Variants in ELL observed in about 807,000 individuals in gnomAD.
The protein encoded by ELL is elongation factor for RNA polymerase II.
Under a neutral mutation model 64.0 loss-of-function variants are expected in ELL, and 18 were observed. That is an observed-to-expected ratio of 0.28 (90% CI 0.19 to 0.42). The LOEUF is 0.42. Ranked by LOEUF, ELL falls within the 10% of genes least tolerant of loss-of-function variation. The pLI, the probability that ELL is intolerant of heterozygous loss-of-function variation, is 1.00. For synonymous variants in ELL, 399 were observed against 376.2 expected (o/e 1.06, Z -0.70); for missense variants, 797 against 870.4 (o/e 0.92, Z 1.06).
chr19:18,444,947 C>A (rs79012978), intron 11 of ELL, 79 bp from the exon 12 acceptor site: 22 of 1,477,294 alleles, frequency 1.5e-5, no homozygotes, highest in Non-Finnish European at 1.8e-5. Flanking sequence ...AGTGTCCCCC[C>A]CAAACCAAAA....
chr19:18,505,955 TAC>T (rs1167977264), intron 1 of ELL, among the ~76,000 whole-genome samples: 1 of 152,166 alleles, frequency 6.6e-6, no homozygotes, highest in African/African-American at 2.4e-5. Flanking sequence ...TGCTCTGTAC[TAC>T]ACAGACCACC....
At chr19:18,455,008 G>A (rs1219086672) in intron 6 of ELL, among the ~76,000 whole-genome samples, 11 of 150,242 alleles carry the variant, frequency 7.3e-5, no homozygotes, top group African/African-American at 2.5e-4. Context: ...GGGCATGGTG[G>A]TGCATGCCTG....
chr19:18,514,061 C>T (rs1054139441), intron 1 of ELL, among the ~76,000 whole-genome samples: 1 of 152,208 alleles, frequency 6.6e-6, no homozygotes, highest in African/African-American at 2.4e-5. Context: ...CGTGTCTCCA[C>T]TTGGTCAGGA....
intron 2 of ELL, among the ~76,000 whole-genome samples, chr19:18,471,736 A>G (rs1322623473): frequency 1.3e-5 from 2 of 152,224 alleles, no homozygotes; most frequent in Admixed American, 6.5e-5. Context: ...GTCCTAAAAC[A>G]GGGGGTCAAA....
chr19:18,491,480 G>A (rs977207082), intron 1 of ELL, among the ~76,000 whole-genome samples: 51 of 152,046 alleles, frequency 3.4e-4, no homozygotes, highest in Admixed American at 3.9e-4. Flanking sequence ...CCAATCAGTC[G>A]AAGGCCTGGA....
intron 5 of ELL, among the ~76,000 whole-genome samples, chr19:18,459,677 G>A (rs1313062858): frequency 2.0e-5 from 3 of 151,514 alleles, no homozygotes; most frequent in African/African-American, 4.9e-5. Context: ...CCGCCACCAC[G>A]CCCGGCTAAT....
intron 2 of ELL, among the ~76,000 whole-genome samples, chr19:18,467,485 CACACCTGA>C (rs1317244208): frequency 6.6e-6 from 1 of 151,976 alleles, no homozygotes; most frequent in African/African-American, 2.4e-5. Flanking sequence ...CATGCCAGGC[CACACCTGA>C]ACACAAACAC....
rs979707361 is a variant in ELL at position 18,472,772 on chromosome 19, G to A, written c.183+63C>T. On this transcript the variant is annotated intron_variant, in intron 2 of 11. Coordinates refer to ENST00000262809, the MANE Select transcript of ELL (RefSeq NM_006532.4). ...GCTGCTGCTGTACCCAGCGAGCAAG[G>A]ACAGACCTGAGACTATACCAGTCCC... The A allele has an allele frequency of 2.6e-6, 4 of 1,565,134 alleles. No individual in the cohort carries two copies. In the East Asian group the frequency reaches 6.7e-5, roughly 26 times the overall value.
At chr19:18,513,014 G>A (rs573407841) in intron 1 of ELL, among the ~76,000 whole-genome samples, 2 of 152,200 alleles carry the variant, frequency 1.3e-5, no homozygotes, top group Admixed American at 6.5e-5. Context: ...GAAGGACAGG[G>A]GTGTTAACAG....
chr19:18,461,553 G>A, intron 5 of ELL, 25 bp downstream of exon 5: 1 of 1,576,116 alleles, frequency 6.3e-7, no homozygotes, highest in Non-Finnish European at 8.6e-7. Context: ...CACTGGTAAA[G>A]ACAAGACATC....
chr19:18,496,076 T>G (rs1397787966), intron 1 of ELL, among the ~76,000 whole-genome samples: 1 of 152,160 alleles, frequency 6.6e-6, no homozygotes, highest in African/African-American at 2.4e-5. Context: ...GACACTCCAC[T>G]CGGTCCCCAC....
chr19:18,452,538 T>A (rs534279449), intron 6 of ELL, among the ~76,000 whole-genome samples: 1 of 152,330 alleles, frequency 6.6e-6, no homozygotes, highest in East Asian at 1.9e-4. Context: ...CCGGAAAGCA[T>A]AGCAGAAGCA....
At chr19:18,489,604 T>C (rs865849637) in intron 1 of ELL, among the ~76,000 whole-genome samples, 1 of 152,182 alleles carries the variant, frequency 6.6e-6, no homozygotes, top group Admixed American at 6.5e-5. Flanking sequence ...AGCTGCCTGA[T>C]AAGGCCGGCA....
intron 4 of ELL, among the ~76,000 whole-genome samples, chr19:18,462,463 A>C (rs1974849985): frequency 6.7e-6 from 1 of 150,016 alleles, no homozygotes; most frequent in South Asian, 2.1e-4. Context: ...GGCTCATTGC[A>C]GCCCCAAACT....
rs896468785 is a variant in ELL, at chr19:18,478,082, G to A, written c.136-5200C>T. On this transcript the variant is annotated intron_variant, in intron 1 of 11. Coordinates refer to ENST00000262809, the MANE Select transcript of ELL (RefSeq NM_006532.4). ...GGCAGAGCCAGCTAGGTCCCTTCAC[G>A]GTGGGACCAGCTGTCACCCTCTGTG... Among the ~76,000 whole-genome samples, 19 of 152,266 alleles carry A rather than the reference G, an allele frequency of 1.2e-4. No homozygotes were observed. In the South Asian group the frequency reaches 2.7e-3, roughly 22 times the overall value.
intron 1 of ELL, among the ~76,000 whole-genome samples, chr19:18,485,500 C>A (rs1274187521): frequency 6.6e-6 from 1 of 152,172 alleles, no homozygotes; most frequent in East Asian, 1.9e-4. Flanking sequence ...GCTAACACTC[C>A]ACTATGGGAG....
chr19:18,462,545 G>C (rs1350211794), intron 4 of ELL, among the ~76,000 whole-genome samples: 1 of 151,856 alleles, frequency 6.6e-6, no homozygotes, highest in East Asian at 1.9e-4. Context: ...CACCATGCCT[G>C]GCTAATTTAT....
intron 8 of ELL, among the ~76,000 whole-genome samples, chr19:18,450,224 C>T (rs1166895686): frequency 2.0e-5 from 3 of 152,390 alleles, no homozygotes; most frequent in Admixed American, 6.5e-5. Context: ...TCTGGGCCTC[C>T]GGCCCCCAGT....
intron 1 of ELL, among the ~76,000 whole-genome samples, chr19:18,482,066 G>A (rs1975310297): frequency 6.6e-6 from 1 of 152,132 alleles, no homozygotes. Context: ...GGTGTGTGGT[G>A]CAGTGACAGC....
Sources: gnomAD v4.1 joint callset for allele counts (sites outside exome capture counted in the v4.1 genomes callset) on GRCh38, gnomAD v4.1.1 for gene constraint, MANE v1.5 for transcripts, NCBI Gene and HGNC (gene_info 2026-07-23, HGNC 2026-07-21) for gene names.